Variants in POLDIP3 observed in about 807,000 individuals in gnomAD.
The protein encoded by POLDIP3 is polymerase delta-interacting protein 3.
POLDIP3 carries 14 observed loss-of-function variants against 45.1 expected under a neutral mutation model. The observed-to-expected ratio is 0.31, with a 90% CI of 0.20 to 0.49. The LOEUF (loss-of-function observed/expected upper bound fraction) is 0.49. POLDIP3 is among the 20% of genes least tolerant of loss of function. The pLI, the probability that POLDIP3 is intolerant of heterozygous loss-of-function variation, is 0.99. For missense variants in POLDIP3, 511 were observed against 538.8 expected, an observed-to-expected ratio of 0.95 and a Z score of 0.51; for synonymous variants, 223 against 205.2, an observed-to-expected ratio of 1.09 and a Z score of -0.74.
intron 8 of POLDIP3, 103 bp from the exon 9 acceptor site, chr22:42,586,071 G>C: frequency 9.1e-7 from 1 of 1,103,964 alleles, no homozygotes. Context: ...GGCACTGGGT[G>C]TAACACTTTC....
intron 4 of POLDIP3, 76 bp downstream of exon 4, chr22:42,599,622 A>C: frequency 8.8e-7 from 1 of 1,130,660 alleles, no homozygotes; most frequent in East Asian, 2.4e-5. Flanking sequence ...CAAAAAAAAC[A>C]ACAGGTTCTA....
Position 42,603,114 on chromosome 22 carries a change from T to A in POLDIP3, c.106A>T (p.Ile36Phe). 6.2e-7 allele frequency: 1 copy of A among 1,614,096 alleles called. No individual in the cohort carries two copies. Among genetic ancestry groups the A allele is most frequent in the Non-Finnish European group, 8.5e-7 (1 of 1,180,020 alleles). The change falls in exon 2 of 9, where the codon ATC (isoleucine) becomes TTC (phenylalanine). Residue 36 changes from isoleucine to phenylalanine, a missense_variant. This residue lies in a region of POLDIP3 where 378 missense variants were observed against 352.3 expected (regional missense o/e 1.07). Transcript: ENST00000252115. Reference protein sequence around the residue: ...GVGGVRSRVGIQQGLLSQSTR... With the variant: ...GVGGVRSRVGFQQGLLSQSTR... ...GACTGGCTGAGAAGGCCTTGCTGGA[T>A]CCCAACTCGAGATCGGACACCTCCA...
chr22:42,585,391 C>A lies in POLDIP3; in HGVS notation c.*400G>T. The A allele has an allele frequency of 2.6e-6, 1 of 385,416 alleles. No homozygotes were observed. 23.9% of individuals were successfully genotyped at this position (385,416 alleles called of 1,614,324 possible). On this transcript the variant is annotated 3_prime_UTR_variant, in exon 9 of 9. Coordinates refer to ENST00000252115, the MANE Select transcript of POLDIP3 (RefSeq NM_032311.5). Reference sequence around the variant, plus strand: ...AAGCTTAATACACACAAAGGAAAGGCAGCCCCTCGGCCCCTGGAAAAAGCA... The same window carrying A: ...AAGCTTAATACACACAAAGGAAAGGAAGCCCCTCGGCCCCTGGAAAAAGCA...
intron 1 of POLDIP3, among the ~76,000 whole-genome samples, chr22:42,610,093 G>C (rs1927030063): frequency 6.6e-6 from 1 of 152,082 alleles, no homozygotes; most frequent in Admixed American, 6.5e-5. Context: ...AGAATCGTTT[G>C]AATCCAGGAG....
At chr22:42,604,842 C>CA (rs1926619319) in intron 1 of POLDIP3, among the ~76,000 whole-genome samples, 1 of 152,212 alleles carries the variant, frequency 6.6e-6, no homozygotes, top group South Asian at 2.1e-4. Flanking sequence ...TGTGTCCCCC[C>CA]AAAATTCCTC....
intron 7 of POLDIP3, among the ~76,000 whole-genome samples, chr22:42,588,887 G>A (rs1898879634): frequency 6.6e-6 from 1 of 152,122 alleles, no homozygotes; most frequent in Non-Finnish European, 1.5e-5. Flanking sequence ...GATTACAGGA[G>A]TGAGCCATTG....
At chr22:42,599,632 A>C (rs566195716) in intron 4 of POLDIP3, 66 bp downstream of exon 4, 1 of 1,218,150 alleles carries the variant, frequency 8.2e-7, no homozygotes, top group East Asian at 2.3e-5. Flanking sequence ...AACAGGTTCT[A>C]TTCAACACGA....
chr22:42,587,396 GA>G lies in POLDIP3; in HGVS notation c.1088+109del, dbSNP rs1043874296. ...ACGGCCAGCTGCCATTAGAACAGAG[GA>G]AACGGAATGGGGGGATGAAGGGGAG... On this transcript the variant is annotated intron_variant, in intron 8 of 8. Coordinates refer to ENST00000252115, the MANE Select transcript of POLDIP3 (RefSeq NM_032311.5). The G allele has an allele frequency of 1.7e-5, 20 of 1,152,782 alleles. No individual in the cohort carries two copies. The African/African-American group carries it at 2.5e-4, about 14-fold the overall frequency. The allele number at this position is 1,152,782 out of a possible 1,614,324, so 71.4% of individuals were successfully genotyped here. A position where few individuals can be genotyped will look rare whatever the true frequency, so the allele number is the denominator to read the frequency against.
chr22:42,588,699 G>A (rs570241047), intron 7 of POLDIP3, among the ~76,000 whole-genome samples: 22 of 151,184 alleles, frequency 1.5e-4, no homozygotes, highest in African/African-American at 5.1e-4. Context: ...TGCGATCTCG[G>A]CTCACGGCAA....
intron 1 of POLDIP3, among the ~76,000 whole-genome samples, chr22:42,604,250 T>C (rs1320542535): frequency 1.3e-5 from 2 of 152,202 alleles, no homozygotes; most frequent in Non-Finnish European, 2.9e-5. Context: ...TTATTATACC[T>C]GCTTGTTTCC....
chr22:42,612,032 G>T (rs1281619947), intron 1 of POLDIP3, among the ~76,000 whole-genome samples: 1 of 152,176 alleles, frequency 6.6e-6, no homozygotes, highest in African/African-American at 2.4e-5. Context: ...GGAGTTTCCA[G>T]AAGATTTAAC....
intron 1 of POLDIP3, among the ~76,000 whole-genome samples, chr22:42,611,607 T>C (rs1927123191): frequency 6.6e-6 from 1 of 152,214 alleles, no homozygotes; most frequent in African/African-American, 2.4e-5. Flanking sequence ...TAAAATAGCA[T>C]GTATGGCCAG....
intron 7 of POLDIP3, among the ~76,000 whole-genome samples, chr22:42,587,797 C>G (rs1023463544): frequency 2.0e-5 from 3 of 152,144 alleles, no homozygotes; most frequent in Admixed American, 2.0e-4. Context: ...AAAGTGGCCA[C>G]AAACCTTGCT....
chr22:42,587,415 A>C, intron 8 of POLDIP3, 91 bp downstream of exon 8: 1 of 1,292,684 alleles, frequency 7.7e-7, no homozygotes, highest in Non-Finnish European at 1.1e-6. Flanking sequence ...TGGGGGGATG[A>C]AGGGGAGCTG....
In POLDIP3 at chr22:42,585,139, G is replaced by T; in HGVS notation, c.*652C>A. The T allele has an allele frequency of 2.3e-6, 1 of 441,812 alleles. No individual in the cohort carries two copies. 27.4% of individuals were successfully genotyped at this position (441,812 alleles called of 1,614,324 possible). On this transcript the variant is annotated 3_prime_UTR_variant, in exon 9 of 9. Coordinates refer to ENST00000252115, the MANE Select transcript of POLDIP3 (RefSeq NM_032311.5). Reference sequence around the variant, plus strand: ...TGGAGAACTTCCTCTGGGTGGAGACGACACGGGACTCCAAGCCAAGAGCTT... The same window carrying T: ...TGGAGAACTTCCTCTGGGTGGAGACTACACGGGACTCCAAGCCAAGAGCTT...
chr22:42,597,309 C>T (rs1015943753), intron 4 of POLDIP3, among the ~76,000 whole-genome samples: 2 of 152,218 alleles, frequency 1.3e-5, no homozygotes, highest in African/African-American at 2.4e-5. Context: ...AGGAACGCAG[C>T]GGCCAGAGAG....
chr22:42,614,565 TCCCCGCCGCGG>T (rs1270817640), intron 1 of POLDIP3, among the ~76,000 whole-genome samples: 1 of 151,936 alleles, frequency 6.6e-6, no homozygotes, highest in Non-Finnish European at 1.5e-5. Context: ...CGGCACCCTG[TCCCCGCCGCGG>T]CCCCGTCGGC....
intron 1 of POLDIP3, among the ~76,000 whole-genome samples, chr22:42,613,896 G>A (rs944061041): frequency 6.6e-6 from 1 of 152,212 alleles, no homozygotes; most frequent in Non-Finnish European, 1.5e-5. Context: ...ATTGGGCAAA[G>A]TTCTCACTTC....
chr22:42,605,204 C>T (rs972565342), intron 1 of POLDIP3, among the ~76,000 whole-genome samples: 2 of 152,182 alleles, frequency 1.3e-5, no homozygotes, highest in South Asian at 2.1e-4. Flanking sequence ...CTTGGCTCAC[C>T]GCAAGCTCCG....
Sources: gnomAD v4.1 joint callset for allele counts (sites outside exome capture counted in the v4.1 genomes callset) on GRCh38, gnomAD v4.1.1 for gene constraint, gnomAD v4.1.1 regional missense constraint, MANE v1.5 for transcripts, NCBI Gene and HGNC (gene_info 2026-07-23, HGNC 2026-07-21) for gene names.